The following MYPN variants were observed in gnomAD, a reference collection of about 807,000 sequenced individuals.
MYPN encodes myopalladin.
MYPN carries 63 observed loss-of-function variants against 129.4 expected under a neutral mutation model. That is an observed-to-expected ratio of 0.49 (90% CI 0.40 to 0.60). MYPN has a LOEUF of 0.60. MYPN is among the 20% of genes least tolerant of loss of function. MYPN has a pLI of 0.00. For missense variants in MYPN, 1,596 were observed against 1,635.4 expected (o/e 0.98, Z 0.42); for synonymous variants, 629 against 600.9 (o/e 1.05, Z -0.68).
chr10:68,187,484 G>A (rs2043440899), intron 12 of MYPN, among the ~76,000 whole-genome samples: 1 of 152,154 alleles, frequency 6.6e-6, no homozygotes, highest in East Asian at 1.9e-4. Flanking sequence ...TAGACAGTGT[G>A]AGAAACATTG....
rs117014451 is a variant in MYPN at position 68,210,634 on chromosome 10, G to A, written c.*179G>A. On this transcript the variant is annotated 3_prime_UTR_variant, in exon 20 of 20. Coordinates refer to ENST00000358913, the MANE Select transcript of MYPN (RefSeq NM_032578.4). ...CTTGCAGTCTCAGCTGAGGGAGAAA[G>A]GTAGGGCTGTGCCTTCTAAAGATTC... 43 of 736,906 alleles carry A rather than the reference G, an allele frequency of 5.8e-5. No homozygotes were observed. The East Asian group carries it at 1.0e-3, about 17-fold the overall frequency. 45.6% of individuals were successfully genotyped at this position (736,906 alleles called of 1,614,324 possible).
rs2043188516 is a variant in MYPN at position 68,174,204 on chromosome 10, A to C, written c.2112A>C (p.Thr704=). The change falls in exon 11 of 20, where the codon ACA becomes ACC. Residue 704 remains threonine (T), a synonymous_variant. Transcript: ENST00000358913. ...ACTCCAATGCTCCCCCAGCGGTGAC[A>C]ACATCCAGTAAGCAGGTGAAGGCTC... is the stretch of plus-strand genomic sequence containing the variant. ...VLNSNAPPAV[T]TSSKQVKAPS... The C allele has an allele frequency of 6.2e-7, 1 of 1,614,010 alleles. No individual in the cohort carries two copies. Among genetic ancestry groups the C allele is most frequent in the East Asian group, 2.2e-5 (1 of 44,864 alleles).
At position 68,203,172 on chromosome 10, in the gene MYPN, G is replaced by A. The variant is rs572824371; in HGVS notation, c.3659+1178G>A. ...CTGGGGAAGGCAGTGGCAGGGGAGG[G>A]AGGAGGAGTGACTGAGATGCTGCCG... is the stretch of plus-strand genomic sequence containing the variant. On this transcript the variant is annotated intron_variant, in intron 18 of 19. Transcript: ENST00000358913. Among the ~76,000 whole-genome samples the A allele has an allele frequency of 5.9e-5, 9 of 152,284 alleles. No homozygotes were observed. In the South Asian group the frequency reaches 1.9e-3, roughly 32 times the overall value.
intron 1 of MYPN, chr10:68,114,215 A>G (rs1040304522): frequency 6.6e-6 from 1 of 152,184 alleles, no homozygotes; most frequent in South Asian, 2.1e-4. Context: ...AGTTTATTCC[A>G]TGTATTTCCA....
intron 2 of MYPN, among the ~76,000 whole-genome samples, chr10:68,139,894 C>T (rs1049622664): frequency 1.5e-4 from 23 of 152,164 alleles, no homozygotes; most frequent in African/African-American, 5.6e-4. Flanking sequence ...TCCTCTCGTG[C>T]ACTTTGCAGT....
chr10:68,165,783 G>A lies in MYPN; in HGVS notation c.1565G>A (p.Gly522Asp), dbSNP rs770827738. 6.2e-7 allele frequency: 1 copy of A among 1,614,106 alleles called. No homozygotes were observed. Among genetic ancestry groups the A allele is most frequent in the East Asian group, 2.2e-5 (1 of 44,880 alleles). ...CFTCTASNKY[G>D]TVSSIAQLHV... is the part of the protein sequence containing the mutation. ...ACATGTACTGCAAGCAACAAATACG[G>A]CACAGTGTCAAGCATTGCACAGCTG... The change falls in exon 9 of 20, where the codon GGC becomes GAC. Residue 522 changes from glycine to aspartate, a missense_variant. Physicochemically the swap from Gly to Asp is moderately conservative, Grantham distance 94. Coordinates refer to ENST00000358913, the MANE Select transcript of MYPN (RefSeq NM_032578.4).
intron 1 of MYPN, among the ~76,000 whole-genome samples, chr10:68,088,439 C>G (rs991215267): frequency 6.6e-6 from 1 of 152,154 alleles, no homozygotes; most frequent in African/African-American, 2.4e-5. Flanking sequence ...GGACAGTCAA[C>G]AGAATCCTAG....
chr10:68,175,470 G>A lies in MYPN; in HGVS notation c.2703+9G>A. 1 of 1,613,996 alleles carries A rather than the reference G, an allele frequency of 6.2e-7. No homozygotes were observed. ...TCAGACCAAACCAGCAGGTAAGATT[G>A]TTGGATTTAGAAGGTTTATTGAAAT... On this transcript the variant is annotated intron_variant, in intron 12 of 19. Coordinates refer to ENST00000358913, the MANE Select transcript of MYPN (RefSeq NM_032578.4).
chr10:68,094,269 AT>A (rs914447340), intron 1 of MYPN, among the ~76,000 whole-genome samples: 61 of 145,944 alleles, frequency 4.2e-4, no homozygotes, highest in Admixed American at 4.8e-4. Context: ...TTTTTAATTA[AT>A]TTTTTTTTTT....
At chr10:68,105,439 G>A (rs1445012157), upstream of MYPN, among the ~76,000 whole-genome samples, 2 of 152,362 alleles carry the variant, frequency 1.3e-5, no homozygotes, top group African/African-American at 2.4e-5. Context: ...TTAATGTGGT[G>A]AGAAGTAGGA....
intron 2 of MYPN, among the ~76,000 whole-genome samples, chr10:68,130,605 A>G (rs997840294): frequency 4.0e-5 from 6 of 151,590 alleles, no homozygotes; most frequent in African/African-American, 7.3e-5. Context: ...GTTTATCTTT[A>G]GATAATTAGA....
chr10:68,170,062 T>C (rs2043122151), intron 10 of MYPN, among the ~76,000 whole-genome samples: 2 of 152,160 alleles, frequency 1.3e-5, no homozygotes, highest in African/African-American at 4.8e-5. Flanking sequence ...CTCTTGATGT[T>C]AGAATCCCTT....
chr10:68,131,855 T>C (rs770158842), intron 2 of MYPN, among the ~76,000 whole-genome samples: 1 of 152,254 alleles, frequency 6.6e-6, no homozygotes, highest in Non-Finnish European at 1.5e-5. Flanking sequence ...TGTTATGTAA[T>C]AGAAATACAA....
chr10:68,134,054 G>C (rs1156358617), intron 2 of MYPN, among the ~76,000 whole-genome samples: 1 of 152,086 alleles, frequency 6.6e-6, no homozygotes, highest in East Asian at 1.9e-4. Flanking sequence ...ATAGCAAACA[G>C]AAGAAGGGAA....
intron 1 of MYPN, among the ~76,000 whole-genome samples, chr10:68,100,401 T>TA (rs768490586): frequency 2.2e-4 from 33 of 152,296 alleles, no homozygotes; most frequent in Non-Finnish European, 3.8e-4. Context: ...TTAAGTGTAC[T>TA]GTTTATTTCT....
At chr10:68,139,622 T>C (rs1454814830) in intron 2 of MYPN, among the ~76,000 whole-genome samples, 1 of 152,252 alleles carries the variant, frequency 6.6e-6, no homozygotes, top group African/African-American at 2.4e-5. Flanking sequence ...AAGCTCCTTG[T>C]GGTCTTGGTA....
At chr10:68,123,800 T>C (rs1260537166) in intron 2 of MYPN, among the ~76,000 whole-genome samples, 2 of 152,200 alleles carry the variant, frequency 1.3e-5, no homozygotes, top group Non-Finnish European at 2.9e-5. Flanking sequence ...GTCTAATGAC[T>C]ACAGTATTGG....
intron 1 of MYPN, among the ~76,000 whole-genome samples, chr10:68,095,430 C>T (rs2041952033): frequency 1.3e-5 from 2 of 152,046 alleles, no homozygotes; most frequent in Admixed American, 1.3e-4. Flanking sequence ...CAGAAGCATC[C>T]TGTGCACTGT....
chr10:68,102,122 CTT>C (rs35930233), upstream of MYPN, among the ~76,000 whole-genome samples: 140 of 108,396 alleles, frequency 1.3e-3, 1 homozygote, highest in African/African-American at 4.2e-3. Context: ...TTTCTCTCTC[CTT>C]TTTTTTTTTT....
Sources: allele counts gnomAD v4.1 joint callset (sites outside exome capture counted in the v4.1 genomes callset), GRCh38; gene constraint gnomAD v4.1.1; transcripts MANE v1.5; gene names NCBI Gene and HGNC (gene_info 2026-07-23, HGNC 2026-07-21).